Variants in CNTNAP3 observed in about 807,000 individuals in gnomAD.
CNTNAP3 encodes contactin associated protein family member 3.
CNTNAP3 carries 36 observed loss-of-function variants against 92.1 expected under a neutral mutation model. The ratio of observed to expected loss-of-function variants is 0.39; its 90% CI spans 0.30 to 0.52. CNTNAP3 has a LOEUF of 0.52. Among genes scored for constraint, CNTNAP3 ranks in the 20% least tolerant of loss-of-function variants. CNTNAP3 has a pLI of 0.76. For missense variants in CNTNAP3, 534 were observed against 1,069.6 expected, an observed-to-expected ratio of 0.50 and a Z score of 6.98; for synonymous variants, 232 against 422.3, an observed-to-expected ratio of 0.55 and a Z score of 5.53.
At position 39,276,039 on chromosome 9, in the gene CNTNAP3, G is replaced by A. The variant is rs1330241958; in HGVS notation, c.86-9033C>T. The stretch of plus-strand genomic sequence containing the variant: ...TCAGCAGACCCTGCTCACGTGCAGA[G>A]ACACACATAGGCTCAAAATAAAGGT... On this transcript the variant is annotated intron_variant, in intron 1 of 23. Transcript: ENST00000297668. Among the ~76,000 whole-genome samples, 2 of 3,488 alleles carry A rather than the reference G, an allele frequency of 5.7e-4. 1 individual carries two copies. Among genetic ancestry groups the A allele is most frequent in the African/African-American group, 6.2e-4 (2 of 3,240 alleles). 2.3% of individuals were successfully genotyped at this position (3,488 alleles called of 152,430 possible).
At chr9:39,077,535 C>T (rs1322359279) in intron 23 of CNTNAP3, among the ~76,000 whole-genome samples, 3 of 151,264 alleles carry the variant, frequency 2.0e-5, no homozygotes, top group African/African-American at 4.9e-5. Context: ...CCAGCCTGGG[C>T]GACACAGCGA....
intron 14 of CNTNAP3, among the ~76,000 whole-genome samples, chr9:39,114,037 C>G (rs867513272): frequency 7.0e-6 from 1 of 143,272 alleles, no homozygotes; most frequent in African/African-American, 2.7e-5. Flanking sequence ...CACATATATA[C>G]ACACACACAC....
At position 39,133,078 on chromosome 9, in the gene CNTNAP3, C is replaced by G. The variant is rs779546708; in HGVS notation, c.1934G>C (p.Gly645Ala). Reference sequence around the variant, plus strand: ...CGAGCGCGGGTGCCCGCTGGGGGCACCTCGGAGGGTCACCGCGTCGGGGCC... The same window carrying G: ...CGAGCGCGGGTGCCCGCTGGGGGCAGCTCGGAGGGTCACCGCGTCGGGGCC... ...HGGPDAVTLR[G>A]APSGHPRSAV... Residue 645 changes from glycine (G) to alanine (A), a missense_variant, in exon 13 of 24, where the codon GGT becomes GCT. Transcript: ENST00000297668. 6.4e-6 allele frequency: 10 copies of G among 1,565,030 alleles called. No homozygotes were observed. The highest frequency in any genetic ancestry group is 4.0e-5 in the African/African-American group (3 of 74,418).
intron 13 of CNTNAP3, among the ~76,000 whole-genome samples, chr9:39,130,179 A>T (rs1357372029): frequency 6.6e-6 from 1 of 152,172 alleles, no homozygotes; most frequent in Non-Finnish European, 1.5e-5. Context: ...GTTCACACAA[A>T]ACCTGTACAC....
intron 21 of CNTNAP3, among the ~76,000 whole-genome samples, chr9:39,081,922 CAA>C (rs760745244): frequency 2.6e-4 from 32 of 123,688 alleles, no homozygotes; most frequent in South Asian, 2.6e-4. Flanking sequence ...ACTAAAAATA[CAA>C]AAAAAAAAAA....
chr9:39,146,506 G>A (rs1397622408), intron 10 of CNTNAP3, among the ~76,000 whole-genome samples: 2 of 151,966 alleles, frequency 1.3e-5, no homozygotes, highest in African/African-American at 2.4e-5. Flanking sequence ...TGGCTAACAC[G>A]GTGAAACCCC....
At chr9:39,116,057 C>G (rs1820851486) in intron 14 of CNTNAP3, among the ~76,000 whole-genome samples, 1 of 152,038 alleles carries the variant, frequency 6.6e-6, no homozygotes, top group South Asian at 2.1e-4. Context: ...GAGGCTGAGG[C>G]AGGAGAATCG....
intron 13 of CNTNAP3, among the ~76,000 whole-genome samples, chr9:39,127,984 G>A (rs979334122): frequency 6.6e-6 from 1 of 152,036 alleles, no homozygotes; most frequent in African/African-American, 2.4e-5. Flanking sequence ...GATTATAGGT[G>A]TGCGCCACCA....
At chr9:39,132,504 T>C (rs896975132) in intron 13 of CNTNAP3, among the ~76,000 whole-genome samples, 6 of 152,114 alleles carry the variant, frequency 3.9e-5, no homozygotes, top group Non-Finnish European at 8.8e-5. Flanking sequence ...GCATATTCAG[T>C]TAATCTAAAG....
chr9:39,102,341 A>C (rs894293436), intron 17 of CNTNAP3, among the ~76,000 whole-genome samples, 156 bp downstream of exon 17: 1 of 152,312 alleles, frequency 6.6e-6, no homozygotes, highest in Non-Finnish European at 1.5e-5. Context: ...AGAAGCACAC[A>C]GCAAGCTCCT....
intron 15 of CNTNAP3, among the ~76,000 whole-genome samples, chr9:39,104,789 A>G (rs1410325176): frequency 6.6e-6 from 1 of 152,116 alleles, no homozygotes; most frequent in Non-Finnish European, 1.5e-5. Context: ...ATTTTTGTCA[A>G]AAATACCACA....
intron 13 of CNTNAP3, among the ~76,000 whole-genome samples, chr9:39,123,784 T>C (rs1249638254): frequency 3.3e-5 from 5 of 152,020 alleles, no homozygotes; most frequent in Non-Finnish European, 5.9e-5. Context: ...AAGTGAAATA[T>C]TTAAACTGTT....
rs922193133 is a variant in CNTNAP3, at chr9:39,123,680, A to G, written c.2081-5421T>C. 1.2e-3 allele frequency among the ~76,000 whole-genome samples: 189 copies of G among 152,246 alleles called. 1 individual carries two copies. Among genetic ancestry groups the G allele is most frequent in the Admixed American group, 2.5e-3 (39 of 15,300 alleles). On this transcript the variant is annotated intron_variant, in intron 13 of 23. Transcript: ENST00000297668. Reference sequence around the variant, plus strand: ...TTTTAAAAATAAAATCTCGAAATAAACCAGAGTAAAATAAAACACCTTACC... The same window carrying G: ...TTTTAAAAATAAAATCTCGAAATAAGCCAGAGTAAAATAAAACACCTTACC...
chr9:39,121,419 T>G (rs1277695655), intron 13 of CNTNAP3, among the ~76,000 whole-genome samples: 1 of 152,100 alleles, frequency 6.6e-6, no homozygotes, highest in African/African-American at 2.4e-5. Context: ...CAATCTGATA[T>G]GACGTTAAGA....
chr9:39,083,698 C>T (rs1382977840), intron 21 of CNTNAP3, among the ~76,000 whole-genome samples: 1 of 152,092 alleles, frequency 6.6e-6, no homozygotes, highest in African/African-American at 2.4e-5. Flanking sequence ...ACACACAAAG[C>T]AAAACAGAAA....
chr9:39,135,891 A>T (rs1050668802), intron 12 of CNTNAP3, among the ~76,000 whole-genome samples: 1 of 152,114 alleles, frequency 6.6e-6, no homozygotes, highest in Non-Finnish European at 1.5e-5. Context: ...GCACTTTGGG[A>T]GGCCGAGGCA....
intron 10 of CNTNAP3, among the ~76,000 whole-genome samples, chr9:39,148,580 GCAGTGGCACGATCT>G (rs1821760986): frequency 1.3e-5 from 2 of 149,726 alleles, no homozygotes; most frequent in African/African-American, 4.9e-5. Context: ...AGGCTGGAGT[GCAGTGGCACGATCT>G]CATTCACTGC....
intron 11 of CNTNAP3, among the ~76,000 whole-genome samples, chr9:39,141,688 A>G (rs1821578219): frequency 6.6e-6 from 1 of 152,146 alleles, no homozygotes; most frequent in Non-Finnish European, 1.5e-5. Context: ...ATAGATACAT[A>G]TATTTGTATA....
At chr9:39,075,422 TA>T (rs1002215629) in intron 23 of CNTNAP3, among the ~76,000 whole-genome samples, 1 of 151,658 alleles carries the variant, frequency 6.6e-6, no homozygotes, top group Non-Finnish European at 1.5e-5. Flanking sequence ...AAATCTACCC[TA>T]AAAGAAATAA....
Sources: gnomAD v4.1 joint callset for allele counts (sites outside exome capture counted in the v4.1 genomes callset) on GRCh38, gnomAD v4.1.1 for gene constraint, MANE v1.5 for transcripts, NCBI Gene and HGNC (gene_info 2026-07-23, HGNC 2026-07-21) for gene names.